The following FLI1 variants were observed in gnomAD, a reference collection of about 807,000 sequenced individuals.
FLI1 encodes Fli-1 proto-oncogene, ETS transcription factor.
In FLI1, 13 loss-of-function variants were observed where a neutral mutation model predicts 53.1. The ratio of observed to expected loss-of-function variants is 0.24; its 90% CI spans 0.16 to 0.39. FLI1 has a LOEUF of 0.39. Ranked by LOEUF, FLI1 falls within the 10% of genes least tolerant of loss-of-function variation. The probability of loss-of-function intolerance (pLI) is 1.00; values close to 1 mark genes in which losing one functional copy is unlikely to be tolerated. For missense variants in FLI1, 424 were observed against 600.5 expected (o/e 0.71, Z 3.07); for synonymous variants, 244 against 236.7 (o/e 1.03, Z -0.28).
At chr11:128,762,545 G>A (rs1941162759) in intron 2 of FLI1, among the ~76,000 whole-genome samples, 1 of 152,148 alleles carries the variant, frequency 6.6e-6, no homozygotes, top group South Asian at 2.1e-4. Context: ...TATTTATTAT[G>A]CTGAAATGAT....
chr11:128,732,172 G>A (rs1366878836), intron 1 of FLI1, among the ~76,000 whole-genome samples: 2 of 152,098 alleles, frequency 1.3e-5, no homozygotes, highest in East Asian at 3.9e-4. Context: ...TAGCAGAAGA[G>A]GCCAGAAAAA....
chr11:128,713,370 TTTG>T (rs1198705721), intron 1 of FLI1, among the ~76,000 whole-genome samples: 2 of 152,232 alleles, frequency 1.3e-5, no homozygotes, highest in East Asian at 1.9e-4. Flanking sequence ...ACCATTGTTT[TTTG>T]TTGTTGTTTT....
At chr11:128,687,780 C>T (rs141313791) in intron 1 of FLI1, among the ~76,000 whole-genome samples, 16 of 152,264 alleles carry the variant, frequency 1.1e-4, no homozygotes, top group Non-Finnish European at 2.1e-4. Flanking sequence ...CGCATCTTCC[C>T]GTGTGAAGCA....
At chr11:128,764,696 C>T (rs1941261185) in intron 2 of FLI1, 1 of 1,544,432 alleles carries the variant, frequency 6.5e-7, no homozygotes, top group African/African-American at 1.4e-5. Flanking sequence ...CTGGGCTTCA[C>T]CTGTACCCAC....
rs530665584 is a variant in FLI1, at chr11:128,790,361, C to T, written c.655+8338C>T. 3.1e-4 allele frequency among the ~76,000 whole-genome samples: 46 copies of T among 150,528 alleles called. 1 individual carries two copies. The highest frequency in any genetic ancestry group is 7.6e-4 in the African/African-American group (31 of 40,802). ...ACAGAGATCGGGGGAGGAGGGAGAG[C>T]GAGAGAACTGGAAACAAAGACTCGT... On this transcript the variant is annotated intron_variant, in intron 5 of 8. Coordinates refer to ENST00000527786, the MANE Select transcript of FLI1 (RefSeq NM_002017.5).
chr11:128,770,734 A>C (rs1259286670), intron 3 of FLI1, among the ~76,000 whole-genome samples: 1 of 152,226 alleles, frequency 6.6e-6, no homozygotes, highest in East Asian at 1.9e-4. Flanking sequence ...TGAAGAATGA[A>C]ATAATATGCT....
intron 1 of FLI1, among the ~76,000 whole-genome samples, chr11:128,752,478 A>G (rs1940689836): frequency 6.6e-6 from 1 of 152,202 alleles, no homozygotes; most frequent in Non-Finnish European, 1.5e-5. Flanking sequence ...AGAAACTCAA[A>G]TCTCTCTGAC....
intron 1 of FLI1, among the ~76,000 whole-genome samples, chr11:128,708,717 G>C (rs1938660349): frequency 6.6e-6 from 1 of 152,150 alleles, no homozygotes; most frequent in Admixed American, 6.6e-5. Flanking sequence ...TAACTACTGG[G>C]TGGCTCATTG....
intron 4 of FLI1, among the ~76,000 whole-genome samples, chr11:128,773,734 C>T (rs978197384): frequency 1.3e-5 from 2 of 151,502 alleles, no homozygotes; most frequent in African/African-American, 4.9e-5. Flanking sequence ...TGCTGGTAAC[C>T]TCAGCCTGAG....
intron 5 of FLI1, among the ~76,000 whole-genome samples, chr11:128,802,603 A>G (rs776598417): frequency 1.3e-4 from 20 of 152,172 alleles, no homozygotes; most frequent in Non-Finnish European, 2.2e-4. Context: ...TTTTTCACCT[A>G]TGTGAGGACT....
chr11:128,706,490 GCCC>G lies in FLI1; in HGVS notation c.18+12217_18+12219del, dbSNP rs1938550300. Among the ~76,000 whole-genome samples, 17 of 152,234 alleles carry G rather than the reference GCCC, an allele frequency of 1.1e-4. No individual in the cohort carries two copies. The South Asian group carries it at 3.3e-3, about 30-fold the overall frequency. The stretch of plus-strand genomic sequence containing the variant: ...TATCACACATTGCCAACTTAGGATA[GCCC>G]CCTCCCCAGTAGTCTCAAAAAGAAA... On this transcript the variant is annotated intron_variant, in intron 1 of 8. Transcript: ENST00000527786.
chr11:128,705,400 G>A (rs1022052685), intron 1 of FLI1, among the ~76,000 whole-genome samples: 1 of 152,182 alleles, frequency 6.6e-6, no homozygotes, highest in African/African-American at 2.4e-5. Context: ...ATAGAGAACG[G>A]CATATTCTTT....
At chr11:128,744,708 A>G (rs1227314192) in intron 1 of FLI1, among the ~76,000 whole-genome samples, 1 of 152,198 alleles carries the variant, frequency 6.6e-6, no homozygotes, top group Non-Finnish European at 1.5e-5. Flanking sequence ...CATTGTGCCC[A>G]TTTTATGGAT....
At chr11:128,755,127 C>T (rs1031849870) in intron 1 of FLI1, among the ~76,000 whole-genome samples, 5 of 152,164 alleles carry the variant, frequency 3.3e-5, no homozygotes, top group African/African-American at 1.2e-4. Flanking sequence ...TTGGCCAGGA[C>T]AATCCTGTGT....
chr11:128,749,789 C>G (rs1291486531), intron 1 of FLI1, among the ~76,000 whole-genome samples: 2 of 152,244 alleles, frequency 1.3e-5, no homozygotes, highest in Non-Finnish European at 2.9e-5. Context: ...AAATTTACCT[C>G]CTCTTCCCTT....
intron 1 of FLI1, among the ~76,000 whole-genome samples, chr11:128,726,629 G>A (rs532973999): frequency 3.3e-5 from 5 of 151,428 alleles, no homozygotes; most frequent in Admixed American, 1.3e-4. Flanking sequence ...ATAGTTGGGC[G>A]GTGCCCTCTT....
intron 5 of FLI1, among the ~76,000 whole-genome samples, chr11:128,792,896 C>CA (rs1293958216): frequency 1.3e-5 from 2 of 152,138 alleles, no homozygotes; most frequent in African/African-American, 4.8e-5. Flanking sequence ...GTGAGAGGAT[C>CA]ACTTGAGCCC....
chr11:128,686,190 C>T (rs1014990253), upstream of FLI1: 4 of 370,878 alleles, frequency 1.1e-5, no homozygotes, highest in East Asian at 7.3e-5. Flanking sequence ...GCTCTGTAAG[C>T]TTCTGCTCCT....
intron 5 of FLI1, among the ~76,000 whole-genome samples, chr11:128,803,236 T>TACC (rs3834441): frequency 0.12 from 18,166 of 152,100 alleles, 1,143 homozygotes; most frequent in East Asian, 0.17. Context: ...CCACCCCACA[T>TACC]ACCACAAGCT....
Sources: gnomAD v4.1 joint callset for allele counts (sites outside exome capture counted in the v4.1 genomes callset) on GRCh38, gnomAD v4.1.1 for gene constraint, MANE v1.5 for transcripts, NCBI Gene and HGNC (gene_info 2026-07-23, HGNC 2026-07-21) for gene names.